The following PSMB5 variants were observed in gnomAD, a reference collection of about 807,000 sequenced individuals.
The protein encoded by PSMB5 is proteasome subunit beta type-5.
In PSMB5, 2 loss-of-function variants were observed where a neutral mutation model predicts 22.8. The ratio of observed to expected loss-of-function variants is 0.09; its 90% CI spans 0.04 to 0.28. The LOEUF (loss-of-function observed/expected upper bound fraction) is 0.28. Among genes scored for constraint, PSMB5 ranks in the 10% least tolerant of loss-of-function variants. The probability of loss-of-function intolerance (pLI) is 1.00; values close to 1 mark genes in which losing one functional copy is unlikely to be tolerated. For synonymous variants in PSMB5, 133 were observed against 135.3 expected (o/e 0.98, Z 0.12); for missense variants, 269 against 343.8 (o/e 0.78, Z 1.72).
chr14:23,028,786 G>A (rs114139687), intron 2 of PSMB5, among the ~76,000 whole-genome samples: 1 of 152,084 alleles, frequency 6.6e-6, no homozygotes, highest in Non-Finnish European at 1.5e-5. Context: ...GCTGACTTTT[G>A]GTACAGATGA....
At chr14:23,035,018 C>A, upstream of PSMB5, 1 of 1,428,854 alleles carries the variant, frequency 7.0e-7, no homozygotes. Context: ...AAGCACGCCT[C>A]CAAAAAGAAG....
intron 2 of PSMB5, among the ~76,000 whole-genome samples, chr14:23,031,772 T>A (rs1359127531): frequency 6.6e-6 from 1 of 152,094 alleles, no homozygotes; most frequent in Non-Finnish European, 1.5e-5. Context: ...TAAGGGTGAT[T>A]ATAACCAGCA....
At chr14:23,034,336 G>C in intron 1 of PSMB5, 1 of 250,654 alleles carries the variant, frequency 4.0e-6, no homozygotes, top group Non-Finnish European at 7.9e-6. Context: ...CCAAAACTTT[G>C]GTAAACGTTT....
At chr14:23,030,799 G>A (rs1373997837) in intron 2 of PSMB5, among the ~76,000 whole-genome samples, 2 of 150,992 alleles carry the variant, frequency 1.3e-5, no homozygotes, top group East Asian at 2.0e-4. Context: ...GGTGGCGGGT[G>A]TCTGTAATCC....
chr14:23,034,638 TCG>T (rs1665192800), intron 1 of PSMB5, 44 bp downstream of exon 1: 1 of 1,596,018 alleles, frequency 6.3e-7, no homozygotes, highest in Admixed American at 1.7e-5. Flanking sequence ...GCCAGGCAAG[TCG>T]CGGGCGTTCA....
Position 23,033,516 on chromosome 14 carries a change from A to G in PSMB5, c.357T>C (p.Ala119=), listed in dbSNP as rs1438379986. 1.9e-6 allele frequency: 3 copies of G among 1,614,118 alleles called. No homozygotes were observed. Among genetic ancestry groups the G allele is most frequent in the Non-Finnish European group, 2.5e-6 (3 of 1,180,034 alleles). Residue 119 remains alanine (A), a synonymous_variant, in exon 2 of 3, where the codon GCT becomes GCC. Coordinates refer to ENST00000361611, the MANE Select transcript of PSMB5 (RefSeq NM_002797.5). ...GAAGCTCATAGATTCGACATTGCCG[A>G]GCCAACAGCCGTTCCCAGAAGCTGC... ...ADCSFWERLL[A]RQCRIYELRN...
intron 1 of PSMB5, 193 bp downstream of exon 1, chr14:23,034,491 C>T (rs779729548): frequency 1.5e-6 from 1 of 661,822 alleles, no homozygotes; most frequent in Non-Finnish European, 2.5e-6. Flanking sequence ...GCCCCACCGC[C>T]ACCCTTTCCA....
chr14:23,026,420 C>A (rs778174415), intron 2 of PSMB5, 45 bp from the exon 3 acceptor site: 11 of 1,576,784 alleles, frequency 7.0e-6, no homozygotes, highest in Middle Eastern at 1.7e-4. Context: ...AAAGATCACC[C>A]CTTTTGATAT....
chr14:23,035,028 G>A, upstream of PSMB5: 1 of 1,418,028 alleles, frequency 7.1e-7, no homozygotes, highest in Non-Finnish European at 9.2e-7. Context: ...CCAAAAAGAA[G>A]AGCCAGATGC....
At chr14:23,028,101 C>T in intron 2 of PSMB5, among the ~76,000 whole-genome samples, 1 of 152,150 alleles carries the variant, frequency 6.6e-6, no homozygotes, top group East Asian at 1.9e-4. Context: ...CGAGATCGCA[C>T]CACTGCACTC....
chr14:23,033,737 C>T, intron 1 of PSMB5, 63 bp from the exon 2 acceptor site: 4 of 1,443,298 alleles, frequency 2.8e-6, no homozygotes, highest in South Asian at 2.6e-5. Flanking sequence ...CTCCTACATA[C>T]TTCTTTTTGC....
intron 2 of PSMB5, among the ~76,000 whole-genome samples, chr14:23,026,720 G>A (rs2046916714): frequency 6.6e-6 from 1 of 151,186 alleles, no homozygotes; most frequent in Non-Finnish European, 1.5e-5. Context: ...AAAGTGCTGG[G>A]ATTACAGGCG....
intron 2 of PSMB5, among the ~76,000 whole-genome samples, chr14:23,030,795 G>A (rs2046947183): frequency 1.3e-5 from 2 of 152,104 alleles, no homozygotes; most frequent in South Asian, 4.2e-4. Context: ...GCAGGGTGGC[G>A]GGTGTCTGTA....
chr14:23,033,224 G>GAAAAAA lies in PSMB5; in HGVS notation c.505+138_505+143dup. 1.5e-5 allele frequency: 11 copies of GAAAAAA among 713,976 alleles called. No individual in the cohort carries two copies. In the South Asian group the frequency reaches 2.5e-4, roughly 16 times the overall value. 44.2% of individuals were successfully genotyped at this position (713,976 alleles called of 1,614,324 possible). ...AATGAGACACAGTCTAAAAAAACAG[G>GAAAAAA]AAAAAAAAAAAGAGAGAAGGAAGGG... On this transcript the variant is annotated intron_variant, in intron 2 of 2. Transcript: ENST00000361611.
Position 23,034,847 on chromosome 14 carries a change from G to A in PSMB5, c.35C>T (p.Pro12Leu), listed in dbSNP as rs756568325. The A allele has an allele frequency of 1.2e-5, 19 of 1,614,104 alleles. No individual in the cohort carries two copies. In the South Asian group the frequency reaches 1.4e-4, roughly 12 times the overall value. ...ALASVLERPL[P>L]VNQRGFFGLG... ...TCCGAAAAACCCGCGCTGGTTCACC[G>A]GTAGCGGTCTCTCCAACACGCTGGC... The change falls in exon 1 of 3, where the codon CCG becomes CTG. Residue 12 changes from proline (P) to leucine (L), a missense_variant. By Grantham distance (98) the Pro-to-Leu change is moderately conservative. This residue lies in a region of PSMB5 where 81 missense variants were observed against 70.4 expected (regional missense o/e 1.15). Coordinates refer to ENST00000361611, the MANE Select transcript of PSMB5 (RefSeq NM_002797.5).
At chr14:23,028,098 G>A (rs952947217) in intron 2 of PSMB5, among the ~76,000 whole-genome samples, 3 of 151,946 alleles carry the variant, frequency 2.0e-5, no homozygotes, top group African/African-American at 7.3e-5. Flanking sequence ...AGCCGAGATC[G>A]CACCACTGCA....
intron 2 of PSMB5, among the ~76,000 whole-genome samples, chr14:23,027,544 A>G (rs2046924884): frequency 6.6e-6 from 1 of 150,792 alleles, no homozygotes; most frequent in East Asian, 1.9e-4. Flanking sequence ...TGTCTGTGGG[A>G]GGTTGAAACA....
chr14:23,027,289 G>A (rs1430470965), intron 2 of PSMB5, among the ~76,000 whole-genome samples: 2 of 150,274 alleles, frequency 1.3e-5, no homozygotes, highest in Non-Finnish European at 3.0e-5. Context: ...GCTGAGGCAG[G>A]AGAATGGCGT....
At position 23,033,672 on chromosome 14, in the gene PSMB5, G is replaced by C; in HGVS notation, c.201C>G (p.Phe67Leu). 6.2e-7 allele frequency: 1 copy of C among 1,604,640 alleles called. No homozygotes were observed. The highest frequency in any genetic ancestry group is 1.7e-5 in the Admixed American group (1 of 59,798). Residue 67 changes from phenylalanine (F) to leucine (L), a missense_variant and splice_region_variant, in exon 2 of 3, where the codon TTC becomes TTG. Physicochemically the swap from Phe to Leu is conservative, Grantham distance 22 (BLOSUM62 0). Transcript: ENST00000361611. ...LHGTTTLAFK[F>L]RHGVIVAADS... ...CAGCTGCAACTATGACTCCATGGCG[G>C]AACTGTTAAGATCAGAGGAAAACAC...
Sources: allele counts gnomAD v4.1 joint callset (sites outside exome capture counted in the v4.1 genomes callset), GRCh38; gene constraint gnomAD v4.1.1; regional missense constraint gnomAD v4.1.1; transcripts MANE v1.5; gene names NCBI Gene and HGNC (gene_info 2026-07-23, HGNC 2026-07-21).